Variants in PPFIA2 observed in about 807,000 individuals in gnomAD.
The protein encoded by PPFIA2 is PPFI scaffold protein A2.
In PPFIA2, 46 loss-of-function variants were observed where a neutral mutation model predicts 175.5. The ratio of observed to expected loss-of-function variants is 0.26; its 90% CI spans 0.21 to 0.34. The LOEUF (loss-of-function observed/expected upper bound fraction) is 0.34. PPFIA2 is among the 10% of genes least tolerant of loss of function. The probability of loss-of-function intolerance (pLI) is 1.00; values close to 1 mark genes in which losing one functional copy is unlikely to be tolerated. For synonymous variants in PPFIA2, 568 were observed against 511.4 expected (o/e 1.11, Z -1.49); for missense variants, 1,179 against 1,506.1 (o/e 0.78, Z 3.60).
chr12:81,400,695 A>T lies in PPFIA2; in HGVS notation c.762+5092T>A, dbSNP rs932842734. Among the ~76,000 whole-genome samples the T allele has an allele frequency of 3.9e-5, 6 of 152,314 alleles. No individual in the cohort carries two copies. In the South Asian group the frequency reaches 1.2e-3, roughly 32 times the overall value. ...TCACGAATAAATGTCAGATTCAAAG[A>T]GGAGAGAAGAATAAGAGCAACAACT... On this transcript the variant is annotated intron_variant, in intron 8 of 32. Transcript: ENST00000549396.
At chr12:81,486,003 C>T (rs945971048) in intron 4 of PPFIA2, among the ~76,000 whole-genome samples, 1 of 151,870 alleles carries the variant, frequency 6.6e-6, no homozygotes. Context: ...TTTGACTTTA[C>T]TTTTCATTTA....
intron 4 of PPFIA2, among the ~76,000 whole-genome samples, chr12:81,625,808 T>C (rs2062631215): frequency 6.7e-6 from 1 of 148,978 alleles, no homozygotes; most frequent in Non-Finnish European, 1.5e-5. Context: ...CCCTTCCTTC[T>C]ACTTTTACTT....
intron 32 of PPFIA2, 25 bp downstream of exon 32, chr12:81,261,924 T>C: frequency 4.1e-6 from 6 of 1,466,536 alleles, no homozygotes; most frequent in Non-Finnish European, 4.6e-6. Flanking sequence ...TTTTTTTTTT[T>C]GTCAGCCAAA....
chr12:81,719,629 T>C (rs962330543), intron 3 of PPFIA2, among the ~76,000 whole-genome samples: 1 of 151,544 alleles, frequency 6.6e-6, no homozygotes, highest in African/African-American at 2.4e-5. Flanking sequence ...TAACTGAACA[T>C]CTTTATATAT....
At chr12:81,733,585 T>C (rs1192252246) in intron 3 of PPFIA2, among the ~76,000 whole-genome samples, 1 of 151,842 alleles carries the variant, frequency 6.6e-6, no homozygotes, top group East Asian at 1.9e-4. Context: ...AGATTTTATC[T>C]ATATATAAAA....
chr12:81,287,092 G>A (rs149362441), intron 24 of PPFIA2, among the ~76,000 whole-genome samples: 2 of 151,924 alleles, frequency 1.3e-5, no homozygotes, highest in African/African-American at 2.4e-5. Context: ...CTGAGTTATC[G>A]TGGTGCTTTC....
intron 4 of PPFIA2, among the ~76,000 whole-genome samples, chr12:81,544,357 C>T (rs2066669995): frequency 2.0e-5 from 3 of 152,108 alleles, no homozygotes; most frequent in Admixed American, 2.0e-4. Context: ...TGAGAATGTG[C>T]TCAGGCAGCA....
At chr12:81,560,868 A>G (rs2069909887) in intron 4 of PPFIA2, among the ~76,000 whole-genome samples, 1 of 152,210 alleles carries the variant, frequency 6.6e-6, no homozygotes, top group Non-Finnish European at 1.5e-5. Flanking sequence ...AAATAAATCT[A>G]TCTGAAAACA....
At chr12:81,680,082 T>C (rs1035120391) in intron 3 of PPFIA2, among the ~76,000 whole-genome samples, 26 of 152,122 alleles carry the variant, frequency 1.7e-4, no homozygotes, top group African/African-American at 5.8e-4. Context: ...CATCAAATAG[T>C]ATAAACATTG....
In PPFIA2 at chr12:81,617,373, A is replaced by G. The variant is rs145446694; in HGVS notation, c.303+59418T>C. Among the ~76,000 whole-genome samples, 1,009 of 152,246 alleles carry G rather than the reference A, an allele frequency of 6.6e-3. 9 individuals are homozygous for G. Among genetic ancestry groups the G allele is most frequent in the Middle Eastern group, 0.02 (6 of 294 alleles). ...GAATGGTTCTTTTTATTTTCCCACC[A>G]CTAGTCTGTAGATCTTTTGTATCCC... On this transcript the variant is annotated intron_variant, in intron 4 of 32. Transcript: ENST00000549396.
chr12:81,747,943 T>C (rs2153661188), intron 3 of PPFIA2, among the ~76,000 whole-genome samples: 1 of 144,316 alleles, frequency 6.9e-6, no homozygotes, highest in Middle Eastern at 3.5e-3. Context: ...ATGCTCAGGG[T>C]TTCTGAAACA....
chr12:81,579,612 C>T (rs2074100857), intron 4 of PPFIA2, among the ~76,000 whole-genome samples: 1 of 151,780 alleles, frequency 6.6e-6, no homozygotes, highest in South Asian at 2.1e-4. Context: ...ACAATGCATA[C>T]ATCAATTGGA....
chr12:81,525,801 G>T (rs892678133), intron 4 of PPFIA2, among the ~76,000 whole-genome samples: 2 of 152,134 alleles, frequency 1.3e-5, no homozygotes, highest in Non-Finnish European at 2.9e-5. Flanking sequence ...TTGCTCATCA[G>T]TGACTTTCTT....
intron 3 of PPFIA2, among the ~76,000 whole-genome samples, chr12:81,682,998 T>G (rs910790091): frequency 1.2e-4 from 18 of 152,220 alleles, no homozygotes; most frequent in African/African-American, 4.3e-4. Context: ...TAATGCATGT[T>G]GATAAATTTT....
At chr12:81,726,337 G>T (rs935947281) in intron 3 of PPFIA2, among the ~76,000 whole-genome samples, 5 of 151,214 alleles carry the variant, frequency 3.3e-5, no homozygotes, top group Admixed American at 2.0e-4. Context: ...TGGAGGAAAA[G>T]AAAACTTTCT....
chr12:81,424,903 T>C (rs2046878021), intron 7 of PPFIA2: 1 of 152,154 alleles, frequency 6.6e-6, no homozygotes, highest in Non-Finnish European at 1.5e-5. Context: ...TCCATCTAAT[T>C]CCATGGATAG....
At chr12:81,371,659 C>T (rs1215726760) in intron 11 of PPFIA2, among the ~76,000 whole-genome samples, 1 of 151,660 alleles carries the variant, frequency 6.6e-6, no homozygotes, top group African/African-American at 2.4e-5. Context: ...ATTGCTGATA[C>T]ATTTTATTGG....
intron 4 of PPFIA2, among the ~76,000 whole-genome samples, chr12:81,551,384 T>C (rs1219626991): frequency 6.6e-6 from 1 of 151,970 alleles, no homozygotes; most frequent in African/African-American, 2.4e-5. Flanking sequence ...CATTAGAAAG[T>C]ACAGTCCACC....
intron 4 of PPFIA2, among the ~76,000 whole-genome samples, chr12:81,641,731 C>G (rs547084009): frequency 1.3e-5 from 2 of 152,292 alleles, no homozygotes; most frequent in South Asian, 4.1e-4. Flanking sequence ...TTGCCCACAT[C>G]AGCAGAACTG....
Sources: allele counts gnomAD v4.1 joint callset (sites outside exome capture counted in the v4.1 genomes callset), GRCh38; gene constraint gnomAD v4.1.1; transcripts MANE v1.5; gene names NCBI Gene and HGNC (gene_info 2026-07-23, HGNC 2026-07-21).